Variants in CREB3L1 observed in about 807,000 individuals in gnomAD.
CREB3L1 encodes the protein cyclic AMP-responsive element-binding protein 3-like protein 1.
CREB3L1 carries 33 observed loss-of-function variants against 54.5 expected under a neutral mutation model. That is an observed-to-expected ratio of 0.61 (90% CI 0.46 to 0.81). The LOEUF is 0.81. Ranked by LOEUF, CREB3L1 falls within the 30% of genes least tolerant of loss-of-function variation. The pLI is 0.00. For synonymous variants in CREB3L1, 284 were observed against 286.4 expected (o/e 0.99, Z 0.08); for missense variants, 656 against 673.3 (o/e 0.97, Z 0.29).
At chr11:46,298,330 G>A (rs1396461654) in intron 1 of CREB3L1, among the ~76,000 whole-genome samples, 1 of 152,188 alleles carries the variant, frequency 6.6e-6, no homozygotes, top group Admixed American at 6.5e-5. Flanking sequence ...CAGGACCTAA[G>A]GCAGCCCCCC....
intron 1 of CREB3L1, among the ~76,000 whole-genome samples, chr11:46,279,524 C>T (rs755251612): frequency 3.9e-5 from 6 of 152,290 alleles, no homozygotes; most frequent in Middle Eastern, 3.4e-3. Flanking sequence ...TTGACTGCAG[C>T]GAGACTTGGT....
Position 46,320,433 on chromosome 11 carries a change from C to G in CREB3L1, c.1428C>G (p.His476Gln), listed in dbSNP as rs1293318930. 23 of 1,610,734 alleles carry G rather than the reference C, an allele frequency of 1.4e-5. No homozygotes were observed. The Admixed American group carries it at 3.9e-4, about 27-fold the overall frequency. Reference protein sequence around the residue: ...HLQHDHLDSTHETTKYLSEAW... With the variant: ...HLQHDHLDSTQETTKYLSEAW... ...AGCATGATCACCTGGACAGCACCCA[C>G]GAGACCACCAAGTACCTGAGTGAGG... The change falls in exon 11 of 12, where the codon CAC becomes CAG. Residue 476 changes from histidine to glutamine, a missense_variant. His to Gln is a conservative substitution (Grantham distance 24). Coordinates refer to ENST00000621158, the MANE Select transcript of CREB3L1 (RefSeq NM_052854.4).
Position 46,321,289 on chromosome 11 carries a change from A to C in CREB3L1, c.*543A>C, listed in dbSNP as rs1162600457. Reference sequence around the variant, plus strand: ...TGGCCCAGGAAAGAGGGACTACCTGACCCTCACCTGGCACCCCCCTGCTGC... The same window carrying C: ...TGGCCCAGGAAAGAGGGACTACCTGCCCCTCACCTGGCACCCCCCTGCTGC... On this transcript the variant is annotated 3_prime_UTR_variant, in exon 12 of 12. Coordinates refer to ENST00000621158, the MANE Select transcript of CREB3L1 (RefSeq NM_052854.4). 7.9e-6 allele frequency: 2 copies of C among 253,268 alleles called. No homozygotes were observed. The highest frequency in any genetic ancestry group is 1.1e-4 in the South Asian group (1 of 9,482). The allele number at this position is 253,268 out of a possible 1,614,324, so 15.7% of individuals were successfully genotyped here. A position where few individuals can be genotyped will look rare whatever the true frequency, so the allele number is the denominator to read the frequency against.
chr11:46,291,391 G>A (rs532580605), intron 1 of CREB3L1, among the ~76,000 whole-genome samples: 1 of 152,238 alleles, frequency 6.6e-6, no homozygotes, highest in Admixed American at 6.5e-5. Context: ...AACCTGGTGG[G>A]GTGGATATGA....
intron 1 of CREB3L1, among the ~76,000 whole-genome samples, chr11:46,293,246 C>T (rs920155446): frequency 2.0e-5 from 3 of 152,240 alleles, no homozygotes; most frequent in Non-Finnish European, 2.9e-5. Context: ...CCAGCATCTC[C>T]AGCAGCCAGA....
At chr11:46,310,149 C>T (rs1274073731) in intron 4 of CREB3L1, 82 bp downstream of exon 4, 2 of 1,067,430 alleles carry the variant, frequency 1.9e-6, no homozygotes, top group Non-Finnish European at 2.8e-6. Context: ...CAGCCCATCC[C>T]TATCTCTTGA....
intron 1 of CREB3L1, among the ~76,000 whole-genome samples, chr11:46,290,902 T>C (rs1939120784): frequency 6.6e-6 from 1 of 152,148 alleles, no homozygotes; most frequent in African/African-American, 2.4e-5. Context: ...CTAGCTTCTC[T>C]GCTCTGTGAT....
Position 46,307,922 on chromosome 11 carries a change from C to T in CREB3L1, c.438C>T (p.Ala146=). Reference sequence around the variant, plus strand: ...TGGACCCTCTGGCTGCCCCCTCGGCCATGGCTGCCGCGGCCGCCATGGCCA... The same window carrying T: ...TGGACCCTCTGGCTGCCCCCTCGGCTATGGCTGCCGCGGCCGCCATGGCCA... The part of the protein sequence containing the change: ...LPVDPLAAPS[A]MAAAAAMATT... The change falls in exon 3 of 12, where the codon GCC becomes GCT. Residue 146 remains alanine (A), a synonymous_variant. Coordinates refer to ENST00000621158, the MANE Select transcript of CREB3L1 (RefSeq NM_052854.4). 5.1e-6 allele frequency: 8 copies of T among 1,565,590 alleles called. No individual in the cohort carries two copies. The highest frequency in any genetic ancestry group is 6.9e-6 in the Non-Finnish European group (8 of 1,157,750).
chr11:46,287,163 T>C (rs1182449135), intron 1 of CREB3L1, among the ~76,000 whole-genome samples: 1 of 152,188 alleles, frequency 6.6e-6, no homozygotes, highest in Non-Finnish European at 1.5e-5. Context: ...CCAAGCTTAT[T>C]TTCCTCATCC....
At chr11:46,310,425 G>T (rs182704081) in intron 4 of CREB3L1, among the ~76,000 whole-genome samples, 1 of 151,768 alleles carries the variant, frequency 6.6e-6, no homozygotes, top group South Asian at 2.1e-4. Context: ...CCACCACCAC[G>T]CCTGGCTAAT....
At position 46,311,084 on chromosome 11, in the gene CREB3L1, C is replaced by T. The variant is rs777225566; in HGVS notation, c.648C>T (p.Ser216=). Residue 216 remains serine (S), a synonymous_variant, in exon 5 of 12, where the codon AGC becomes AGT. Transcript: ENST00000621158. Reference sequence around the variant, plus strand: ...CCCCCAGCAGCCATGGCAGTGACAGCGACGGCTCCCAGAGTCCCCGCTCTC... The same window carrying T: ...CCCCCAGCAGCCATGGCAGTGACAGTGACGGCTCCCAGAGTCCCCGCTCTC... The part of the protein sequence containing the change: ...PTPPSSHGSD[S]DGSQSPRSLP... The T allele has an allele frequency of 3.3e-5, 53 of 1,609,436 alleles. No individual in the cohort carries two copies. The highest frequency in any genetic ancestry group is 1.5e-4 in the South Asian group (14 of 90,774).
At chr11:46,288,396 A>T (rs930604446) in intron 1 of CREB3L1, among the ~76,000 whole-genome samples, 2 of 152,186 alleles carry the variant, frequency 1.3e-5, no homozygotes, top group African/African-American at 4.8e-5. Context: ...TAGTTATTTT[A>T]AAATTAAGTT....
chr11:46,284,916 C>T (rs1939034877), intron 1 of CREB3L1, among the ~76,000 whole-genome samples: 1 of 152,170 alleles, frequency 6.6e-6, no homozygotes, highest in Non-Finnish European at 1.5e-5. Flanking sequence ...CCTTAGGGCA[C>T]CTTGGATGCC....
At chr11:46,309,527 T>C (rs1218473335) in intron 3 of CREB3L1, among the ~76,000 whole-genome samples, 1 of 152,224 alleles carries the variant, frequency 6.6e-6, no homozygotes, top group East Asian at 1.9e-4. Flanking sequence ...CTACTTCTAT[T>C]TATACCCCGG....
chr11:46,313,745 G>C (rs534155965), intron 8 of CREB3L1, among the ~76,000 whole-genome samples: 1 of 152,182 alleles, frequency 6.6e-6, no homozygotes, highest in East Asian at 1.9e-4. Context: ...ACATTCACAA[G>C]GTCCTTGGGT....
chr11:46,294,228 C>A (rs1384176650), intron 1 of CREB3L1, among the ~76,000 whole-genome samples: 4 of 152,146 alleles, frequency 2.6e-5, no homozygotes, highest in Non-Finnish European at 4.4e-5. Context: ...CAGCAGCCGC[C>A]TTCCCTAGGC....
intron 1 of CREB3L1, among the ~76,000 whole-genome samples, chr11:46,297,657 A>G (rs371563999): frequency 1.3e-5 from 2 of 152,364 alleles, no homozygotes; most frequent in African/African-American, 4.8e-5. Flanking sequence ...GGTTAAAAGC[A>G]CAACAGAAAT....
At chr11:46,307,746 G>C in intron 2 of CREB3L1, 70 bp from the exon 3 acceptor site, 11 of 1,345,046 alleles carry the variant, frequency 8.2e-6, no homozygotes, top group Non-Finnish European at 1.0e-5. Flanking sequence ...GCCTAGGGTA[G>C]CTCCCAGGGG....
chr11:46,310,607 C>T (rs927416870), intron 4 of CREB3L1, among the ~76,000 whole-genome samples: 2 of 151,868 alleles, frequency 1.3e-5, no homozygotes, highest in Admixed American at 6.6e-5. Flanking sequence ...CTGCTGCCAT[C>T]GCTCCTGCTT....
Sources: gnomAD v4.1 joint callset for allele counts (sites outside exome capture counted in the v4.1 genomes callset) on GRCh38, gnomAD v4.1.1 for gene constraint, MANE v1.5 for transcripts, NCBI Gene and HGNC (gene_info 2026-07-23, HGNC 2026-07-21) for gene names.